FNDC3B: variants seen among roughly 807,000 people sequenced by gnomAD.
The protein encoded by FNDC3B is fibronectin type III domain-containing protein 3B.
Under a neutral mutation model 151.5 loss-of-function variants are expected in FNDC3B, and 12 were observed. That is an observed-to-expected ratio of 0.08 (90% CI 0.05 to 0.13). FNDC3B has a LOEUF of 0.13. Among genes scored for constraint, FNDC3B ranks in the 10% least tolerant of loss-of-function variants. The pLI, the probability that FNDC3B is intolerant of heterozygous loss-of-function variation, is 1.00. For missense variants in FNDC3B, 1,214 were observed against 1,505.3 expected (o/e 0.81, Z 3.20); for synonymous variants, 528 against 549.0 (o/e 0.96, Z 0.54).
intron 3 of FNDC3B, among the ~76,000 whole-genome samples, chr3:172,176,287 A>G (rs1723589844): frequency 1.3e-5 from 2 of 152,232 alleles, no homozygotes. Flanking sequence ...ATTTTAAAGA[A>G]GTGGAGCTAA....
intron 5 of FNDC3B, among the ~76,000 whole-genome samples, chr3:172,249,864 T>C (rs1239858873): frequency 6.6e-6 from 1 of 152,210 alleles, no homozygotes; most frequent in Non-Finnish European, 1.5e-5. Flanking sequence ...AGCTTTACTG[T>C]TGAGTAATTG....
chr3:172,080,277 C>T (rs973750403), intron 1 of FNDC3B, among the ~76,000 whole-genome samples: 2 of 150,790 alleles, frequency 1.3e-5, no homozygotes, highest in African/African-American at 4.9e-5. Flanking sequence ...TTTTTTCTTT[C>T]TTTTTTTTTA....
rs540446663 is a variant in FNDC3B, at chr3:172,106,205, G to C, written c.-28-6247G>C. On this transcript the variant is annotated intron_variant, in intron 1 of 25. Transcript: ENST00000415807. ...TAAAGAGACAGGGTCTTGCTATGTTGCCCAGGCTGGACTCAAACTCCCTGG... is the reference window on the plus strand; with the variant it reads ...TAAAGAGACAGGGTCTTGCTATGTTCCCCAGGCTGGACTCAAACTCCCTGG... Among the ~76,000 whole-genome samples, 4 of 152,154 alleles carry C rather than the reference G, an allele frequency of 2.6e-5. No individual in the cohort carries two copies. The South Asian group carries it at 8.3e-4, about 32-fold the overall frequency.
chr3:172,187,089 GAGAAGTCCTTCATGGAAAGT>G (rs1428885025), intron 3 of FNDC3B: 1 of 229,180 alleles, frequency 4.4e-6, no homozygotes, highest in East Asian at 9.6e-5. Flanking sequence ...CCTTGCCCTT[GAGAAGTCCTTCATGGAAAGT>G]GGAAACACTG....
intron 1 of FNDC3B, among the ~76,000 whole-genome samples, chr3:172,059,573 C>T (rs1332249759): frequency 6.6e-6 from 1 of 151,954 alleles, no homozygotes; most frequent in Non-Finnish European, 1.5e-5. Context: ...CACCTGGCCT[C>T]TGTTATAGAT....
intron 23 of FNDC3B, among the ~76,000 whole-genome samples, chr3:172,367,108 A>G (rs1156890858): frequency 6.6e-6 from 1 of 152,232 alleles, no homozygotes; most frequent in African/African-American, 2.4e-5. Flanking sequence ...CCCCTGGGAT[A>G]GGACATTTGT....
intron 2 of FNDC3B, among the ~76,000 whole-genome samples, chr3:172,130,066 C>G (rs1720994038): frequency 6.6e-6 from 1 of 151,960 alleles, no homozygotes; most frequent in Non-Finnish European, 1.5e-5. Flanking sequence ...CGGGAGTTGG[C>G]CAGGTTGTGA....
intron 3 of FNDC3B, among the ~76,000 whole-genome samples, chr3:172,209,613 G>A (rs1234583667): frequency 6.6e-6 from 1 of 152,194 alleles, no homozygotes; most frequent in Non-Finnish European, 1.5e-5. Context: ...AGCACCATCC[G>A]ATTATCCGAA....
At chr3:172,071,805 T>C (rs564125015) in intron 1 of FNDC3B, among the ~76,000 whole-genome samples, 2 of 152,250 alleles carry the variant, frequency 1.3e-5, no homozygotes, top group East Asian at 3.9e-4. Flanking sequence ...CAGTGAAAAT[T>C]AACATAGCGA....
chr3:172,205,600 C>T (rs1462276060), intron 3 of FNDC3B, among the ~76,000 whole-genome samples: 3 of 152,186 alleles, frequency 2.0e-5, no homozygotes, highest in African/African-American at 7.2e-5. Context: ...ACAATTACTA[C>T]AGCACTACGG....
chr3:172,205,750 G>C (rs776459589), intron 3 of FNDC3B, among the ~76,000 whole-genome samples: 4 of 152,230 alleles, frequency 2.6e-5, no homozygotes, highest in Admixed American at 6.5e-5. Context: ...AGGAGGCTAA[G>C]ATCAGAAAGA....
chr3:172,183,915 A>G (rs1330461021), intron 3 of FNDC3B, among the ~76,000 whole-genome samples: 1 of 152,172 alleles, frequency 6.6e-6, no homozygotes, highest in Non-Finnish European at 1.5e-5. Flanking sequence ...TTGCATTAAT[A>G]TTACTAGCTA....
chr3:172,095,030 A>G (rs1376376607), intron 1 of FNDC3B, among the ~76,000 whole-genome samples: 1 of 152,012 alleles, frequency 6.6e-6, no homozygotes, highest in Non-Finnish European at 1.5e-5. Context: ...AACAGACTTC[A>G]TCAAAGGAAT....
chr3:172,108,299 C>T (rs1719774130), intron 1 of FNDC3B, among the ~76,000 whole-genome samples: 1 of 152,188 alleles, frequency 6.6e-6, no homozygotes, highest in Admixed American at 6.5e-5. Flanking sequence ...GTCCTGAAAT[C>T]CCTAAGAAAA....
chr3:172,122,373 G>C (rs1720598147), intron 2 of FNDC3B, among the ~76,000 whole-genome samples: 1 of 152,018 alleles, frequency 6.6e-6, no homozygotes, highest in Non-Finnish European at 1.5e-5. Flanking sequence ...GTTTTATCTA[G>C]GTAATCTTGG....
chr3:172,215,588 G>T (rs1388412510), intron 3 of FNDC3B, among the ~76,000 whole-genome samples: 1 of 152,146 alleles, frequency 6.6e-6, no homozygotes, highest in East Asian at 1.9e-4. Context: ...GCTTGGCATG[G>T]TGGCAGACAC....
intron 6 of FNDC3B, among the ~76,000 whole-genome samples, chr3:172,276,079 T>C (rs1427298761): frequency 6.6e-6 from 1 of 152,196 alleles, no homozygotes; most frequent in Non-Finnish European, 1.5e-5. Flanking sequence ...TAGAAATGTT[T>C]AGATGGTTTT....
At chr3:172,109,529 A>G (rs961411393) in intron 1 of FNDC3B, among the ~76,000 whole-genome samples, 7 of 152,250 alleles carry the variant, frequency 4.6e-5, no homozygotes, top group African/African-American at 1.7e-4. Context: ...GTTATGGCTA[A>G]GTGAGACTGC....
intron 16 of FNDC3B, among the ~76,000 whole-genome samples, chr3:172,339,764 C>G (rs1733194311): frequency 6.6e-6 from 1 of 152,174 alleles, no homozygotes; most frequent in Non-Finnish European, 1.5e-5. Context: ...CAGTTAACAA[C>G]TTTGTGACTG....
Sources: allele counts gnomAD v4.1 joint callset (sites outside exome capture counted in the v4.1 genomes callset), GRCh38; gene constraint gnomAD v4.1.1; transcripts MANE v1.5; gene names NCBI Gene and HGNC (gene_info 2026-07-23, HGNC 2026-07-21).